DCP1A: variants seen among roughly 807,000 people sequenced by gnomAD.
DCP1A encodes decapping mRNA 1A.
Under a neutral mutation model 58.0 loss-of-function variants are expected in DCP1A, and 20 were observed. That is an observed-to-expected ratio of 0.34 (90% CI 0.24 to 0.50). DCP1A has a LOEUF of 0.50. Ranked by LOEUF, DCP1A falls within the 20% of genes least tolerant of loss-of-function variation. DCP1A has a pLI of 0.98. For missense variants in DCP1A, 613 were observed against 712.2 expected (o/e 0.86, Z 1.59); for synonymous variants, 285 against 275.1 (o/e 1.04, Z -0.36).
chr3:53,294,906 T>C (rs1553686626), intron 6 of DCP1A, among the ~76,000 whole-genome samples: 1 of 152,268 alleles, frequency 6.6e-6, no homozygotes, highest in African/African-American at 2.4e-5. Flanking sequence ...CTTGCCTTTC[T>C]TGCTCTTGGA....
At chr3:53,329,530 G>A (rs1161029751) in intron 3 of DCP1A, 1 of 393,356 alleles carries the variant, frequency 2.5e-6, no homozygotes, top group African/African-American at 2.1e-5. Context: ...GGTTAAGCAA[G>A]CTAAAGAGCA....
At chr3:53,323,103 C>T (rs1553690195) in intron 3 of DCP1A, among the ~76,000 whole-genome samples, 1 of 152,132 alleles carries the variant, frequency 6.6e-6, no homozygotes, top group African/African-American at 2.4e-5. Flanking sequence ...GGATTACAGG[C>T]GTGAGCCACC....
In DCP1A at chr3:53,283,668, G is replaced by T. The variant is rs1263683952; in HGVS notation, c.*3912C>A. 1 of 152,100 alleles carries T rather than the reference G, an allele frequency of 6.6e-6. No individual in the cohort carries two copies. The highest frequency in any genetic ancestry group is 1.5e-5 in the Non-Finnish European group (1 of 68,024). The allele number at this position is 152,100 out of a possible 1,614,324, so 9.4% of individuals were successfully genotyped here. Reference sequence around the variant, plus strand: ...CCATGTTTCAGGGAGCTGAGAATCTGGTACAATGAAAGTCATGAGAGCCAC... The same window carrying T: ...CCATGTTTCAGGGAGCTGAGAATCTTGTACAATGAAAGTCATGAGAGCCAC... On this transcript the variant is annotated 3_prime_UTR_variant, in exon 10 of 10. Transcript: ENST00000610213.
In DCP1A at chr3:53,344,353, G is replaced by T. The variant is rs538217266; in HGVS notation, c.176+549C>A. On this transcript the variant is annotated intron_variant, in intron 2 of 9. Coordinates refer to ENST00000610213, the MANE Select transcript of DCP1A (RefSeq NM_018403.7). Reference sequence around the variant, plus strand: ...TTGCAATTTGCAAACCAATCTTAAAGATAATGAATTTTTGAATAAGTCAAA... The same window carrying T: ...TTGCAATTTGCAAACCAATCTTAAATATAATGAATTTTTGAATAAGTCAAA... 5.9e-5 allele frequency among the ~76,000 whole-genome samples: 9 copies of T among 152,246 alleles called. No homozygotes were observed. The South Asian group carries it at 1.7e-3, about 28-fold the overall frequency.
At chr3:53,312,523 T>A in intron 4 of DCP1A, 144 bp from the exon 5 acceptor site, 10 of 745,440 alleles carry the variant, frequency 1.3e-5, no homozygotes, top group Non-Finnish European at 2.0e-5. Flanking sequence ...TGAGATGGAG[T>A]CTCGCACTGT....
intron 3 of DCP1A, chr3:53,338,153 T>G (rs1553692150): frequency 2.2e-6 from 1 of 449,254 alleles, no homozygotes; most frequent in Admixed American, 2.4e-5. Flanking sequence ...AACCTGTAAG[T>G]TGAGGATCAG....
chr3:53,332,439 T>C (rs1288726908), intron 3 of DCP1A, among the ~76,000 whole-genome samples: 3 of 152,250 alleles, frequency 2.0e-5, no homozygotes, highest in Non-Finnish European at 2.9e-5. Flanking sequence ...TTTTTAAAAA[T>C]GCATGTTCTC....
rs1706575263 is a variant in DCP1A, at chr3:53,284,875, G to A, written c.*2705C>T. ...CTTCTTCTGACACTGAGAGTCACTT[G>A]AAAAACTTGAATTCAAAGTCAAGCA... On this transcript the variant is annotated 3_prime_UTR_variant, in exon 10 of 10. Transcript: ENST00000610213. The A allele has an allele frequency of 6.6e-6, 1 of 152,104 alleles. No individual in the cohort carries two copies. The highest frequency in any genetic ancestry group is 2.1e-4 in the South Asian group (1 of 4,824). 9.4% of individuals were successfully genotyped at this position (152,104 alleles called of 1,614,324 possible).
intron 6 of DCP1A, among the ~76,000 whole-genome samples, chr3:53,299,863 T>C (rs553904862): frequency 8.7e-4 from 133 of 152,330 alleles, no homozygotes; most frequent in African/African-American, 3.1e-3. Context: ...ATAACCTAAA[T>C]AATGGAGTCT....
intron 4 of DCP1A, 60 bp from the exon 5 acceptor site, chr3:53,312,439 T>C: frequency 6.9e-7 from 1 of 1,443,236 alleles, no homozygotes; most frequent in Non-Finnish European, 9.2e-7. Context: ...ACCCAAGATT[T>C]CTTTTGGTGT....
At chr3:53,326,742 C>T (rs1708113410) in intron 3 of DCP1A, among the ~76,000 whole-genome samples, 1 of 152,210 alleles carries the variant, frequency 6.6e-6, no homozygotes, top group Non-Finnish European at 1.5e-5. Flanking sequence ...AAACAAGCTC[C>T]AGGCTCCCAC....
intron 5 of DCP1A, among the ~76,000 whole-genome samples, chr3:53,306,931 CTT>C (rs1159787111): frequency 2.9e-4 from 29 of 101,586 alleles, no homozygotes; most frequent in Admixed American, 7.5e-4. Context: ...CCAGGCTGTT[CTT>C]TTTTTTTTTT....
At chr3:53,290,877 A>C (rs1353392576) in intron 7 of DCP1A, 21 bp from the exon 8 acceptor site, 1 of 1,591,512 alleles carries the variant, frequency 6.3e-7, no homozygotes, top group African/African-American at 1.4e-5. Flanking sequence ...TATGAAGAAA[A>C]GACAGACGGA....
chr3:53,310,391 A>G (rs782720067), intron 5 of DCP1A, among the ~76,000 whole-genome samples: 2 of 152,166 alleles, frequency 1.3e-5, no homozygotes, highest in Middle Eastern at 3.2e-3. Flanking sequence ...TGGCTACTTA[A>G]CCTCTCAGCC....
chr3:53,315,796 C>T (rs1315211346), intron 4 of DCP1A, among the ~76,000 whole-genome samples: 1 of 143,628 alleles, frequency 7.0e-6, no homozygotes, highest in Admixed American at 7.2e-5. Flanking sequence ...CTCTGTCGCC[C>T]AGGCTGGAGT....
chr3:53,325,719 C>T (rs1250491409), intron 3 of DCP1A, among the ~76,000 whole-genome samples: 3 of 152,116 alleles, frequency 2.0e-5, no homozygotes, highest in African/African-American at 4.8e-5. Context: ...CATGGAGGCT[C>T]TCTAAGAACA....
At chr3:53,331,184 C>G (rs1178280320) in intron 3 of DCP1A, among the ~76,000 whole-genome samples, 1 of 151,956 alleles carries the variant, frequency 6.6e-6, no homozygotes, top group African/African-American at 2.4e-5. Context: ...ATAGTTTTTG[C>G]CAAAGAAAAT....
At chr3:53,299,689 T>C (rs965089823) in intron 6 of DCP1A, among the ~76,000 whole-genome samples, 2 of 152,226 alleles carry the variant, frequency 1.3e-5, no homozygotes, top group African/African-American at 4.8e-5. Context: ...TGTAATACTA[T>C]TAAGGCTTGA....
chr3:53,327,468 T>C (rs1192785812), intron 3 of DCP1A, among the ~76,000 whole-genome samples: 10 of 152,222 alleles, frequency 6.6e-5, no homozygotes, highest in Admixed American at 5.9e-4. Flanking sequence ...TGGTAGCAAA[T>C]GCTTAGCCTG....
Sources: allele counts gnomAD v4.1 joint callset (sites outside exome capture counted in the v4.1 genomes callset), GRCh38; gene constraint gnomAD v4.1.1; transcripts MANE v1.5; gene names NCBI Gene and HGNC (gene_info 2026-07-23, HGNC 2026-07-21).